Variants in FYB2 observed in about 807,000 individuals in gnomAD.
FYB2 encodes FYN binding protein 2.
In FYB2, 103 loss-of-function variants were observed where a neutral mutation model predicts 94.1. The observed-to-expected ratio is 1.09, with a 90% CI of 0.93 to 1.29. The LOEUF is 1.29. Ranked by LOEUF, FYB2 falls within the 50% of genes most tolerant of loss-of-function variation. The pLI is 0.00. For synonymous variants in FYB2, 293 were observed against 287.9 expected (o/e 1.02, Z -0.18); for missense variants, 896 against 841.5 (o/e 1.06, Z -0.80).
At chr1:56,793,898 T>A (rs1570179517) in intron 1 of FYB2, among the ~76,000 whole-genome samples, 1 of 152,178 alleles carries the variant, frequency 6.6e-6, no homozygotes, top group Non-Finnish European at 1.5e-5. Flanking sequence ...GACAGACTTA[T>A]GTTCACATGA....
At chr1:56,780,230 A>G (rs1419780715) in intron 4 of FYB2, among the ~76,000 whole-genome samples, 2 of 152,182 alleles carry the variant, frequency 1.3e-5, no homozygotes, top group African/African-American at 2.4e-5. Context: ...TTTCTGGCTT[A>G]TCATCTGAAT....
At chr1:56,738,108 T>C (rs914799672) in intron 14 of FYB2, among the ~76,000 whole-genome samples, 2 of 152,116 alleles carry the variant, frequency 1.3e-5, no homozygotes, top group South Asian at 4.1e-4. Context: ...CAGCCTACTA[T>C]GTGTCAAGCA....
chr1:56,787,330 G>A, intron 3 of FYB2, 122 bp from the exon 4 acceptor site: 1 of 1,206,400 alleles, frequency 8.3e-7, no homozygotes, highest in Non-Finnish European at 1.2e-6. Flanking sequence ...GCCTGTGCCT[G>A]AAACATCCCT....
chr1:56,816,863 C>CT (rs11415687), intron 1 of FYB2, among the ~76,000 whole-genome samples: 33,743 of 140,076 alleles, frequency 0.24, 4,060 homozygotes, highest in Middle Eastern at 0.3. Context: ...CAACAATTTT[C>CT]TTTTTTTTTT....
intron 4 of FYB2, among the ~76,000 whole-genome samples, chr1:56,779,099 G>A (rs1332744965): frequency 2.0e-5 from 3 of 152,072 alleles, no homozygotes; most frequent in African/African-American, 7.2e-5. Flanking sequence ...GCAAACAAGG[G>A]TGAGAGGGCT....
At chr1:56,721,229 T>C (rs1031505578) in intron 17 of FYB2, among the ~76,000 whole-genome samples, 2 of 152,072 alleles carry the variant, frequency 1.3e-5, no homozygotes, top group African/African-American at 4.8e-5. Flanking sequence ...CACAAATAAA[T>C]AGTTCCAGAA....
intron 15 of FYB2, among the ~76,000 whole-genome samples, chr1:56,732,339 A>T (rs773159150): frequency 2.6e-5 from 4 of 152,196 alleles, no homozygotes; most frequent in Admixed American, 1.3e-4. Context: ...GATGATGTAA[A>T]CAAATGGAAG....
intron 1 of FYB2, among the ~76,000 whole-genome samples, chr1:56,812,305 A>T (rs556922515): frequency 6.6e-6 from 1 of 152,276 alleles, no homozygotes; most frequent in Non-Finnish European, 1.5e-5. Flanking sequence ...AGATTTTTTT[A>T]AAAACCTCTG....
intron 4 of FYB2, among the ~76,000 whole-genome samples, chr1:56,771,221 G>A (rs1190568763): frequency 1.3e-5 from 2 of 152,080 alleles, no homozygotes; most frequent in Non-Finnish European, 2.9e-5. Context: ...CAATCTGCAT[G>A]TTCCTTAGCG....
At chr1:56,817,331 C>A (rs1435444516) in intron 1 of FYB2, among the ~76,000 whole-genome samples, 1 of 152,230 alleles carries the variant, frequency 6.6e-6, no homozygotes, top group East Asian at 1.9e-4. Flanking sequence ...GATATCCACA[C>A]AGCCCATTAA....
At position 56,729,033 on chromosome 1, in the gene FYB2, G is replaced by C. The variant is rs368118085; in HGVS notation, c.1794-2450C>G. ...AAGGAACTCCAAGTAGTACAGTATG[G>C]ATGGAACACAGGAATAGTGGGTAAG... On this transcript the variant is annotated intron_variant, in intron 15 of 19. Coordinates refer to ENST00000343433, the MANE Select transcript of FYB2 (RefSeq NM_001004303.5). Among the ~76,000 whole-genome samples the C allele has an allele frequency of 2.7e-4, 41 of 152,274 alleles. No individual in the cohort carries two copies. The East Asian group carries it at 5.2e-3, about 19-fold the overall frequency.
At chr1:56,813,045 C>A (rs113895351) in intron 1 of FYB2, among the ~76,000 whole-genome samples, 2 of 152,154 alleles carry the variant, frequency 1.3e-5, no homozygotes, top group African/African-American at 4.8e-5. Context: ...GACCTCTCTC[C>A]TTGGCTTGTA....
At chr1:56,823,730 G>T (rs543673354), upstream of FYB2, 1 of 152,314 alleles carries the variant, frequency 6.6e-6, no homozygotes, top group African/African-American at 2.4e-5. Flanking sequence ...TTTGAGCCAG[G>T]TGCTGTGCTT....
the FYB2 span, among the ~76,000 whole-genome samples, chr1:56,825,702 A>G: frequency 6.6e-6 from 1 of 152,190 alleles, no homozygotes; most frequent in African/African-American, 2.4e-5. Context: ...AAGTCCGGTC[A>G]TTCCTGAATG....
chr1:56,769,618 G>T (rs778629274), intron 4 of FYB2, among the ~76,000 whole-genome samples: 5 of 152,088 alleles, frequency 3.3e-5, no homozygotes, highest in Non-Finnish European at 7.4e-5. Context: ...TTACGAGCAG[G>T]ATGGAGATTT....
intron 4 of FYB2, among the ~76,000 whole-genome samples, chr1:56,776,573 C>A (rs1645881340): frequency 6.6e-6 from 1 of 152,074 alleles, no homozygotes; most frequent in South Asian, 2.1e-4. Flanking sequence ...AACAAAATGA[C>A]CACGAGCCCT....
chr1:56,795,449 A>C (rs1264636704), intron 1 of FYB2, among the ~76,000 whole-genome samples: 6 of 152,206 alleles, frequency 3.9e-5, no homozygotes, highest in Non-Finnish European at 4.4e-5. Flanking sequence ...ATAGGTGTAC[A>C]GATATCTCAT....
intron 9 of FYB2, among the ~76,000 whole-genome samples, chr1:56,745,080 T>G (rs978356245): frequency 2.6e-5 from 4 of 151,944 alleles, no homozygotes; most frequent in African/African-American, 9.6e-5. Flanking sequence ...GAATGTCAGC[T>G]CTCAGAGGCA....
upstream of FYB2, chr1:56,819,585 C>T (rs964639231): frequency 3.1e-5 from 17 of 551,114 alleles, no homozygotes; most frequent in Non-Finnish European, 5.6e-5. Flanking sequence ...CAGCAAGCGG[C>T]TCTTCCCGTT....
Sources: allele counts gnomAD v4.1 joint callset (sites outside exome capture counted in the v4.1 genomes callset), GRCh38; gene constraint gnomAD v4.1.1; transcripts MANE v1.5; gene names NCBI Gene and HGNC (gene_info 2026-07-23, HGNC 2026-07-21).